Variants in NOP14 observed in about 807,000 individuals in gnomAD.
NOP14 encodes the protein NOP14 nucleolar protein, also known as nucleolar protein 14.
A neutral mutation model predicts 101.6 loss-of-function variants in NOP14; 57 were observed. The observed-to-expected ratio is 0.56, with a 90% confidence interval of 0.45 to 0.70. NOP14 has a LOEUF of 0.70. NOP14 is among the 30% of genes least tolerant of loss of function. NOP14 has a pLI of 0.00. For synonymous variants in NOP14, 428 were observed against 424.0 expected (o/e 1.01, Z -0.12); for missense variants, 1,134 against 1,075.5 (o/e 1.05, Z -0.76).
At chr4:2,961,624 A>G (rs1715922672) in intron 1 of NOP14, 1 of 152,200 alleles carries the variant, frequency 6.6e-6, no homozygotes, top group Non-Finnish European at 1.5e-5. Flanking sequence ...GCCACACTTC[A>G]CCATACCGGG....
At chr4:2,949,804 A>T in intron 8 of NOP14, 130 bp downstream of exon 8, 1 of 997,652 alleles carries the variant, frequency 1.0e-6, no homozygotes, top group African/African-American at 1.6e-5. Context: ...GGGTGTGTCC[A>T]GGCACTCCCA....
chr4:2,938,956 C>T (rs370942798), intron 17 of NOP14, 26 bp from the exon 18 acceptor site: 2 of 1,600,548 alleles, frequency 1.2e-6, no homozygotes, highest in Admixed American at 1.7e-5. Flanking sequence ...GGCAAATGCC[C>T]ATTTTTGGAT....
intron 13 of NOP14, 40 bp from the exon 14 acceptor site, chr4:2,942,391 T>C (rs1560295651): frequency 1.9e-6 from 3 of 1,589,896 alleles, no homozygotes; most frequent in Non-Finnish European, 2.6e-6. Context: ...GGCCTGAACA[T>C]TACTGGGCTC....
rs558662369 is a variant in NOP14, at chr4:2,938,463, C to T, written c.*368G>A. ...TGAACCCAGGAGGTGGAGGTTGTGCCATTGCACTCCAGCCTGGGCAACAAG... is the reference window on the plus strand; with the variant it reads ...TGAACCCAGGAGGTGGAGGTTGTGCTATTGCACTCCAGCCTGGGCAACAAG... On this transcript the variant is annotated 3_prime_UTR_variant, in exon 18 of 18. Coordinates refer to ENST00000416614, the MANE Select transcript of NOP14 (RefSeq NM_001291978.2). 5.8e-6 allele frequency: 2 copies of T among 345,092 alleles called. No individual in the cohort carries two copies. Among genetic ancestry groups the T allele is most frequent in the East Asian group, 8.0e-5 (1 of 12,482 alleles). 21.4% of individuals were successfully genotyped at this position (345,092 alleles called of 1,614,324 possible).
intron 14 of NOP14, 149 bp downstream of exon 14, chr4:2,942,043 C>T: frequency 1.4e-6 from 1 of 736,936 alleles, no homozygotes; most frequent in Non-Finnish European, 2.3e-6. Context: ...AGCAAGCCAA[C>T]ATGCCTCAGA....
chr4:2,950,410 G>C, intron 7 of NOP14, 197 bp from the exon 8 acceptor site: 1 of 613,208 alleles, frequency 1.6e-6, no homozygotes, highest in Non-Finnish European at 2.9e-6. Flanking sequence ...AGCCGCAGGA[G>C]CTACAGGCTG....
rs1714269482 is a variant in NOP14 at position 2,942,319 on chromosome 4, C to G, written c.1924G>C (p.Gly642Arg). 1 of 1,614,026 alleles carries G rather than the reference C, an allele frequency of 6.2e-7. No individual in the cohort carries two copies. Among genetic ancestry groups the G allele is most frequent in the Non-Finnish European group, 8.5e-7 (1 of 1,180,022 alleles). Reference sequence around the variant, plus strand: ...ACCACGAGCAGTTCCGAGTTCTTCCCAAGCGCTCTGAAAGGGTGCACCAGA... The same window carrying G: ...ACCACGAGCAGTTCCGAGTTCTTCCGAAGCGCTCTGAAAGGGTGCACCAGA... ...STLVHPFRALGKNSELLVVSA... is the reference protein window; with the variant it reads ...STLVHPFRALRKNSELLVVSA... The change falls in exon 14 of 18, where the codon GGG becomes CGG. Residue 642 changes from glycine (G) to arginine (R), a missense_variant. Coordinates refer to ENST00000416614, the MANE Select transcript of NOP14 (RefSeq NM_001291978.2).
chr4:2,943,751 A>G (rs911077682), intron 13 of NOP14, among the ~76,000 whole-genome samples: 2 of 152,296 alleles, frequency 1.3e-5, no homozygotes, highest in African/African-American at 4.8e-5. Context: ...TGATTTTAAC[A>G]CATAATACAA....
intron 13 of NOP14, among the ~76,000 whole-genome samples, chr4:2,943,857 G>C (rs1001651025): frequency 2.0e-5 from 3 of 152,224 alleles, no homozygotes; most frequent in Non-Finnish European, 2.9e-5. Context: ...TCTGGCCCCT[G>C]GCAACCACGC....
rs79223340 is a variant in NOP14 at position 2,939,166 on chromosome 4, C to T, written c.2474+22G>A. The T allele has an allele frequency of 8.8e-4, 1,421 of 1,613,336 alleles. 11 individuals carry two copies. In the African/African-American group the frequency reaches 0.017, roughly 19 times the overall value. Reference sequence around the variant, plus strand: ...AAGCTGAGTGACACCACAATCGTGTCGCACACACACGTCCCCCTCACCGTT... The same window carrying T: ...AAGCTGAGTGACACCACAATCGTGTTGCACACACACGTCCCCCTCACCGTT... On this transcript the variant is annotated intron_variant, in intron 17 of 17. Coordinates refer to ENST00000416614, the MANE Select transcript of NOP14 (RefSeq NM_001291978.2).
chr4:2,944,635 G>A (rs1038194284), intron 12 of NOP14, among the ~76,000 whole-genome samples: 1 of 152,120 alleles, frequency 6.6e-6, no homozygotes, highest in Admixed American at 6.5e-5. Context: ...TTGAACTCCC[G>A]ACCTCAGGTG....
intron 11 of NOP14, 108 bp downstream of exon 11, chr4:2,946,304 C>A: frequency 7.4e-7 from 1 of 1,352,886 alleles, no homozygotes; most frequent in Admixed American, 1.8e-5. Context: ...TCCACATCAC[C>A]CTGGAAGCAC....
intron 13 of NOP14, among the ~76,000 whole-genome samples, chr4:2,942,812 TGA>T (rs1290088179): frequency 7.3e-5 from 11 of 150,896 alleles, no homozygotes; most frequent in African/African-American, 2.5e-4. Flanking sequence ...GGGAGAGGCC[TGA>T]GGGGCAGACG....
intron 17 of NOP14, 105 bp from the exon 18 acceptor site, chr4:2,939,035 C>T (rs1049482989): frequency 2.0e-6 from 3 of 1,466,742 alleles, no homozygotes; most frequent in Non-Finnish European, 2.9e-6. Flanking sequence ...TGGCCACGTT[C>T]AGTTCAAACA....
chr4:2,939,880 G>A (rs1714017039), intron 15 of NOP14, among the ~76,000 whole-genome samples: 1 of 152,232 alleles, frequency 6.6e-6, no homozygotes, highest in African/African-American at 2.4e-5. Context: ...TGAAGAGGGA[G>A]GGCCGTGGGC....
At position 2,957,725 on chromosome 4, in the gene NOP14, G is replaced by C; in HGVS notation, c.211C>G (p.Leu71Val). ...RALRKRTQTL[L>V]KEYKERDKSN... The stretch of plus-strand genomic sequence containing the variant: ...TTATCCCTTTCTTTGTACTCTTTTA[G>C]TAAAGTCTGTGTACGCTGGAAAACA... The change falls in exon 2 of 18, where the codon CTA becomes GTA. Residue 71 changes from leucine (L) to valine (V), a missense_variant. Transcript: ENST00000416614. The C allele has an allele frequency of 6.2e-7, 1 of 1,613,890 alleles. No homozygotes were observed.
chr4:2,962,085 G>C (rs1315089390), intron 1 of NOP14, among the ~76,000 whole-genome samples: 2 of 152,248 alleles, frequency 1.3e-5, no homozygotes, highest in African/African-American at 4.8e-5. Flanking sequence ...CGAACGACAA[G>C]CCAAGAAGGT....
At chr4:2,947,503 G>A in intron 10 of NOP14, 23 bp downstream of exon 10, 1 of 1,541,056 alleles carries the variant, frequency 6.5e-7, no homozygotes, top group Non-Finnish European at 9.0e-7. Flanking sequence ...CCACATCCCA[G>A]ATGACACACC....
chr4:2,947,285 A>G (rs976612704), intron 10 of NOP14: 9 of 548,530 alleles, frequency 1.6e-5, no homozygotes, highest in African/African-American at 1.5e-4. Flanking sequence ...ACTTGTTTCA[A>G]AATCAACTTG....
Sources: allele counts gnomAD v4.1 joint callset (sites outside exome capture counted in the v4.1 genomes callset), GRCh38; gene constraint gnomAD v4.1.1; transcripts MANE v1.5; gene names NCBI Gene and HGNC (gene_info 2026-07-23, HGNC 2026-07-21).